The following MTTP variants were observed in gnomAD, a reference collection of about 807,000 sequenced individuals.
MTTP encodes the protein microsomal triglyceride transfer protein large subunit.
MTTP carries 49 observed loss-of-function variants against 90.6 expected under a neutral mutation model. That is an observed-to-expected ratio of 0.54 (90% CI 0.43 to 0.69). The LOEUF (loss-of-function observed/expected upper bound fraction) is 0.69. MTTP is among the 30% of genes least tolerant of loss of function. The pLI, the probability that MTTP is intolerant of heterozygous loss-of-function variation, is 0.00. For missense variants in MTTP, 945 were observed against 1,067.5 expected (o/e 0.89, Z 1.60); for synonymous variants, 347 against 384.2 (o/e 0.90, Z 1.13).
chr4:99,566,297 G>GAAAAAAAAAAAAAAA (rs567380343), intron 1 of MTTP, among the ~76,000 whole-genome samples: 1 of 117,536 alleles, frequency 8.5e-6, no homozygotes, highest in Admixed American at 9.9e-5. Context: ...TCAAAAAAAA[G>GAAAAAAAAAAAAAAA]AAAAAAAAAA....
chr4:99,612,092 T>C (rs1725970022), intron 14 of MTTP, among the ~76,000 whole-genome samples: 1 of 152,210 alleles, frequency 6.6e-6, no homozygotes. Flanking sequence ...CATGAAATTA[T>C]TACCTTGTAA....
intron 11 of MTTP, among the ~76,000 whole-genome samples, chr4:99,607,449 C>T (rs1290406549): frequency 1.3e-5 from 2 of 152,084 alleles, no homozygotes; most frequent in Admixed American, 6.6e-5. Context: ...AAGTTGGTGG[C>T]TGCAAATCAT....
intron 9 of MTTP, among the ~76,000 whole-genome samples, chr4:99,600,984 A>G (rs1235698335): frequency 6.6e-6 from 1 of 152,166 alleles, no homozygotes; most frequent in South Asian, 2.1e-4. Flanking sequence ...TTCACCTATC[A>G]TGTTATATAG....
At chr4:99,575,603 A>G (rs1172036373) in intron 1 of MTTP, among the ~76,000 whole-genome samples, 1 of 152,216 alleles carries the variant, frequency 6.6e-6, no homozygotes, top group Non-Finnish European at 1.5e-5. Context: ...CTATTTTAAG[A>G]TGAAATTAAT....
intron 7 of MTTP, 41 bp downstream of exon 7, chr4:99,594,924 T>G (rs779811102): frequency 6.2e-7 from 1 of 1,607,936 alleles, no homozygotes; most frequent in Non-Finnish European, 8.5e-7. Context: ...GACATCAGAC[T>G]CTGTTTTCAT....
chr4:99,578,231 G>A (rs141621453), intron 1 of MTTP, among the ~76,000 whole-genome samples: 1 of 152,250 alleles, frequency 6.6e-6, no homozygotes, highest in East Asian at 1.9e-4. Context: ...AATTCTAAAT[G>A]CACTTGAAGG....
At chr4:99,610,317 G>C (rs1725920422) in intron 12 of MTTP, among the ~76,000 whole-genome samples, 1 of 152,098 alleles carries the variant, frequency 6.6e-6, no homozygotes, top group Non-Finnish European at 1.5e-5. Context: ...TCATCCACAA[G>C]AAGACCCTTT....
chr4:99,577,252 A>G (rs1366620938), intron 1 of MTTP, among the ~76,000 whole-genome samples: 4 of 152,148 alleles, frequency 2.6e-5, no homozygotes, highest in African/African-American at 9.7e-5. Flanking sequence ...CTAAATTACC[A>G]ATGCAACTGT....
chr4:99,576,659 C>G (rs2110208570), intron 1 of MTTP, among the ~76,000 whole-genome samples: 1 of 127,778 alleles, frequency 7.8e-6, no homozygotes, highest in Non-Finnish European at 1.6e-5. Flanking sequence ...CCCGCCACTG[C>G]ACTCCAGCCT....
At chr4:99,568,254 TC>T (rs1265799454) in intron 1 of MTTP, among the ~76,000 whole-genome samples, 1 of 151,722 alleles carries the variant, frequency 6.6e-6, no homozygotes, top group African/African-American at 2.4e-5. Flanking sequence ...GTCTAGAAAA[TC>T]CCCAAAAACA....
rs761770885 is a variant in MTTP, at chr4:99,597,071, C to T, written c.914C>T (p.Ser305Leu). The change falls in exon 8 of 18, where the codon TCG becomes TTG. Residue 305 changes from serine to leucine, a missense_variant. Coordinates refer to ENST00000265517, the MANE Select transcript of MTTP (RefSeq NM_001386140.1). ...CCTGCAGTGTATGTTTTGCAGCTCTCGGAGCTCTGGCGGTCCACCAGGAAA... is the reference window on the plus strand; with the variant it reads ...CCTGCAGTGTATGTTTTGCAGCTCTTGGAGCTCTGGCGGTCCACCAGGAAA... ...QSHCKGCPSL[S>L]ELWRSTRKYL... 9.9e-6 allele frequency: 16 copies of T among 1,613,682 alleles called. No individual in the cohort carries two copies. The highest frequency in any genetic ancestry group is 5.5e-5 in the South Asian group (5 of 91,070).
chr4:99,603,901 G>C (rs971419001), intron 10 of MTTP, among the ~76,000 whole-genome samples: 1 of 152,152 alleles, frequency 6.6e-6, no homozygotes, highest in Admixed American at 6.6e-5. Context: ...AAGTTCTTCT[G>C]ATAATGGACA....
At chr4:99,600,764 C>T in intron 9 of MTTP, 31 bp downstream of exon 9, 1 of 1,603,990 alleles carries the variant, frequency 6.2e-7, no homozygotes, top group Non-Finnish European at 8.5e-7. Flanking sequence ...AGACCCTCAA[C>T]TCCTATAAAA....
At chr4:99,612,547 CTA>C (rs1292564079) in intron 14 of MTTP, among the ~76,000 whole-genome samples, 1 of 152,046 alleles carries the variant, frequency 6.6e-6, no homozygotes, top group Non-Finnish European at 1.5e-5. Flanking sequence ...CCTGGAAAGA[CTA>C]AGAGTCTGTA....
intron 12 of MTTP, 104 bp from the exon 13 acceptor site, chr4:99,611,039 T>G: frequency 8.1e-7 from 1 of 1,235,820 alleles, no homozygotes; most frequent in Non-Finnish European, 1.2e-6. Flanking sequence ...TGAGGAAAAT[T>G]TGGCTTCCTC....
chr4:99,566,297 GAAAAAAAA>G (rs567380343), intron 1 of MTTP, among the ~76,000 whole-genome samples: 13 of 117,534 alleles, frequency 1.1e-4, no homozygotes, highest in South Asian at 2.7e-4. Flanking sequence ...TCAAAAAAAA[GAAAAAAAA>G]AAAAAAAAAG....
intron 10 of MTTP, among the ~76,000 whole-genome samples, chr4:99,603,634 C>T (rs979627964): frequency 1.3e-5 from 2 of 151,988 alleles, no homozygotes; most frequent in Non-Finnish European, 2.9e-5. Context: ...ATGGTGATGC[C>T]GACCACTTAA....
chr4:99,583,827 CGTAAT>C, intron 3 of MTTP: 2 of 521,952 alleles, frequency 3.8e-6, no homozygotes, highest in Non-Finnish European at 6.8e-6. Flanking sequence ...GGATTACAAA[CGTAAT>C]GTAACAAAGC....
chr4:99,613,177 T>TA lies in MTTP; in HGVS notation c.2217+41dup, dbSNP rs778389488. The TA allele has an allele frequency of 7.1e-6, 11 of 1,539,484 alleles. 1 individual carries two copies. In the South Asian group the frequency reaches 1.1e-4, roughly 16 times the overall value. ...AGTCTGTGAGTATTTATTGAGTCCC[T>TA]AAAATACGCCAGGCACGTTTTAAAT... On this transcript the variant is annotated intron_variant, in intron 15 of 17. Transcript: ENST00000265517.
Sources: allele counts gnomAD v4.1 joint callset (sites outside exome capture counted in the v4.1 genomes callset), GRCh38; gene constraint gnomAD v4.1.1; transcripts MANE v1.5; gene names NCBI Gene and HGNC (gene_info 2026-07-23, HGNC 2026-07-21).